Variants in FNDC4 observed in about 807,000 individuals in gnomAD.
FNDC4 encodes the protein fibronectin type III domain containing 4, also known as fibronectin type III domain-containing protein 4.
Under a neutral mutation model 25.1 loss-of-function variants are expected in FNDC4, and 11 were observed. The observed-to-expected ratio is 0.44, with a 90% CI of 0.28 to 0.73. The LOEUF (loss-of-function observed/expected upper bound fraction) is 0.73, where lower values mean the gene tolerates loss of function less well. FNDC4 is among the 30% of genes least tolerant of loss of function. FNDC4 has a pLI of 0.16. For missense variants in FNDC4, 250 were observed against 304.3 expected (o/e 0.82, Z 1.33); for synonymous variants, 136 against 118.8 (o/e 1.14, Z -0.94).
Position 27,494,176 on chromosome 2 carries a change from T to A in FNDC4, c.250-42A>T. ...GGAGAGGAGGACAGCCTCACCCCAG[T>A]GCCAGGCCACAAGGCTCAACCAGAG... On this transcript the variant is annotated intron_variant, in intron 3 of 6. Transcript: ENST00000264703. The surrounding 1 kb of genome is among the most constrained non-coding windows in gnomAD (Gnocchi z 4.6). 1 of 1,580,112 alleles carries A rather than the reference T, an allele frequency of 6.3e-7. No homozygotes were observed. Among genetic ancestry groups the A allele is most frequent in the East Asian group, 2.3e-5 (1 of 44,320 alleles).
chr2:27,492,413 T>C lies in FNDC4; in HGVS notation c.*30A>G. 1 of 1,613,952 alleles carries C rather than the reference T, an allele frequency of 6.2e-7. No homozygotes were observed. The highest frequency in any genetic ancestry group is 8.5e-7 in the Non-Finnish European group (1 of 1,179,838). Reference sequence around the variant, plus strand: ...CCCCATCCCTATCCCCAGTTGTTAGTGCATCTCTCTTCTGGGTGTGTTTCT... The same window carrying C: ...CCCCATCCCTATCCCCAGTTGTTAGCGCATCTCTCTTCTGGGTGTGTTTCT... On this transcript the variant is annotated 3_prime_UTR_variant, in exon 7 of 7. Transcript: ENST00000264703. This position sits in a 1 kb window ranked among gnomAD's most constrained non-coding sequence, Gnocchi z 4.1.
chr2:27,494,277 TC>T lies in FNDC4; in HGVS notation c.249+73del, dbSNP rs977404563. On this transcript the variant is annotated intron_variant, in intron 3 of 6. Transcript: ENST00000264703. This position sits in a 1 kb window ranked among gnomAD's most constrained non-coding sequence, Gnocchi z 4.6. ...GAGCCAGGATACGCCAGCTTCCAGA[TC>T]CCCCCCACTTAAGTGAAGAAATGTG... 3.3e-5 allele frequency: 47 copies of T among 1,432,492 alleles called. No homozygotes were observed. In the African/African-American group the frequency reaches 3.4e-4, roughly 10 times the overall value. The allele number at this position is 1,432,492 out of a possible 1,614,324, so 88.7% of individuals were successfully genotyped here. A position where few individuals can be genotyped will look rare whatever the true frequency, so the allele number is the denominator to read the frequency against.
intron 4 of FNDC4, 94 bp from the exon 5 acceptor site, chr2:27,493,572 A>T: frequency 9.6e-7 from 1 of 1,043,832 alleles, no homozygotes; most frequent in Non-Finnish European, 1.5e-6. Flanking sequence ...GAAAGGGTGG[A>T]CCCATCATAA....
At position 27,494,856 on chromosome 2, in the gene FNDC4, G is replaced by T; in HGVS notation, c.-25+22C>A. 1.8e-6 allele frequency: 1 copy of T among 570,622 alleles called. No individual in the cohort carries two copies. Among genetic ancestry groups the T allele is most frequent in the Non-Finnish European group, 3.1e-6 (1 of 324,362 alleles). 35.3% of individuals were successfully genotyped at this position (570,622 alleles called of 1,614,324 possible). Reference sequence around the variant, plus strand: ...CATTGCCCGGGCGGCCCCAGAGTGCGGTCCGCCCTGCCCACACCCACCTCC... The same window carrying T: ...CATTGCCCGGGCGGCCCCAGAGTGCTGTCCGCCCTGCCCACACCCACCTCC... On this transcript the variant is annotated intron_variant, in intron 1 of 6. Coordinates refer to ENST00000264703, the MANE Select transcript of FNDC4 (RefSeq NM_022823.3). This position sits in a 1 kb window ranked among gnomAD's most constrained non-coding sequence, Gnocchi z 4.6.
intron 5 of FNDC4, 97 bp downstream of exon 5, chr2:27,493,292 G>A (rs373970363): frequency 9.1e-6 from 9 of 992,014 alleles, no homozygotes; most frequent in South Asian, 3.9e-5. Flanking sequence ...GATTACAGGC[G>A]TGAGCCACTG....
Position 27,492,563 on chromosome 2 carries a change from T to C in FNDC4, c.670-85A>G. On this transcript the variant is annotated intron_variant, in intron 6 of 6. Transcript: ENST00000264703. This position sits in a 1 kb window ranked among gnomAD's most constrained non-coding sequence, Gnocchi z 4.1. ...CTCCAGCCTCCCCCATCCCAGATCT[T>C]CCATTCTCCATCTTTTTCTGCCCCT... The C allele has an allele frequency of 6.3e-7, 1 of 1,595,022 alleles. No homozygotes were observed. The highest frequency in any genetic ancestry group is 8.6e-7 in the Non-Finnish European group (1 of 1,162,720).
In FNDC4 at chr2:27,494,101, C is replaced by T. The variant is rs755064284; in HGVS notation, c.283G>A (p.Glu95Lys). ...CAGGCCCGGGTGGTGGTGTTCACCT[C>T]CCGAATCACACGCTGCCCGGGGCCA... is the stretch of plus-strand genomic sequence containing the variant. Reference protein sequence around the residue: ...QNGPGQRVIREVNTTTRACAL... With the variant: ...QNGPGQRVIRKVNTTTRACAL... Residue 95 changes from glutamate to lysine, a missense_variant, in exon 4 of 7, where the codon GAG (glutamate) becomes AAG (lysine). Glu to Lys is a moderately conservative substitution (Grantham distance 56, BLOSUM62 1). Coordinates refer to ENST00000264703, the MANE Select transcript of FNDC4 (RefSeq NM_022823.3). This position sits in a 1 kb window ranked among gnomAD's most constrained non-coding sequence, Gnocchi z 4.6. 4 of 1,614,008 alleles carry T rather than the reference C, an allele frequency of 2.5e-6. No individual in the cohort carries two copies. The highest frequency in any genetic ancestry group is 1.1e-5 in the South Asian group (1 of 91,094).
In FNDC4 at chr2:27,492,470, T is replaced by A; in HGVS notation, c.678A>T (p.Ser226=). 2 of 1,614,096 alleles carry A rather than the reference T, an allele frequency of 1.2e-6. No homozygotes were observed. Among genetic ancestry groups the A allele is most frequent in the Non-Finnish European group, 1.7e-6 (2 of 1,179,970 alleles). Residue 226 remains serine (S), a synonymous_variant, in exon 7 of 7, where the codon TCA becomes TCT. Coordinates refer to ENST00000264703, the MANE Select transcript of FNDC4 (RefSeq NM_022823.3). This position sits in a 1 kb window ranked among gnomAD's most constrained non-coding sequence, Gnocchi z 4.1. ...GRPVGTRQKK[S]PSINTIDV is the part of the protein sequence containing the mutation. ...AAACGTCGATGGTGTTGATAGATGG[T>A]GACTTTTTCTGTGAAAGAAAATGGC...
chr2:27,493,170 ACT>A (rs1382691612), intron 5 of FNDC4, among the ~76,000 whole-genome samples: 6 of 149,132 alleles, frequency 4.0e-5, no homozygotes, highest in Admixed American at 1.3e-4. Flanking sequence ...CCTCCACCAC[ACT>A]CTGCTAATTT....
intron 4 of FNDC4, among the ~76,000 whole-genome samples, 159 bp downstream of exon 4, chr2:27,493,771 C>T (rs1392403586): frequency 6.6e-6 from 1 of 152,216 alleles, no homozygotes; most frequent in East Asian, 1.9e-4. Context: ...CCTGTCTATA[C>T]CCAATCCCCT....
rs141504043 is a variant in FNDC4 at position 27,494,284 on chromosome 2, C to A, written c.249+67G>T. Reference sequence around the variant, plus strand: ...GATACGCCAGCTTCCAGATCCCCCCCACTTAAGTGAAGAAATGTGCCGAAA... The same window carrying A: ...GATACGCCAGCTTCCAGATCCCCCCAACTTAAGTGAAGAAATGTGCCGAAA... On this transcript the variant is annotated intron_variant, in intron 3 of 6. Coordinates refer to ENST00000264703, the MANE Select transcript of FNDC4 (RefSeq NM_022823.3). The surrounding 1 kb of genome is among the most constrained non-coding windows in gnomAD (Gnocchi z 4.6). The A allele has an allele frequency of 2.7e-5, 40 of 1,454,934 alleles. No individual in the cohort carries two copies. The highest frequency in any genetic ancestry group is 6.9e-5 in the East Asian group (3 of 43,384). 90.1% of individuals were successfully genotyped at this position (1,454,934 alleles called of 1,614,324 possible).
Position 27,494,153 on chromosome 2 carries a change from AGAG to A in FNDC4, c.250-22_250-20del, listed in dbSNP as rs1222214198. ...TCTGCCGCTGCAGGGAGATGAGGGG[AGAG>A]GAGGACAGCCTCACCCCAGTGCCAG... On this transcript the variant is annotated intron_variant, in intron 3 of 6. Coordinates refer to ENST00000264703, the MANE Select transcript of FNDC4 (RefSeq NM_022823.3). This position sits in a 1 kb window ranked among gnomAD's most constrained non-coding sequence, Gnocchi z 4.6. 7 of 1,606,500 alleles carry A rather than the reference AGAG, an allele frequency of 4.4e-6. No individual in the cohort carries two copies. The African/African-American group carries it at 6.7e-5, about 15-fold the overall frequency.
intron 4 of FNDC4, 65 bp downstream of exon 4, chr2:27,493,865 G>GGT: frequency 7.0e-7 from 1 of 1,422,068 alleles, no homozygotes; most frequent in Non-Finnish European, 9.9e-7. Flanking sequence ...GCTTGTCTTG[G>GGT]GGAAGTAAGT....
chr2:27,494,278 C>A lies in FNDC4; in HGVS notation c.249+73G>T. The A allele has an allele frequency of 1.4e-6, 2 of 1,420,662 alleles. No homozygotes were observed. The highest frequency in any genetic ancestry group is 9.9e-7 in the Non-Finnish European group (1 of 1,013,674). The allele number at this position is 1,420,662 out of a possible 1,614,324, so 88.0% of individuals were successfully genotyped here. A position where few individuals can be genotyped will look rare whatever the true frequency, so the allele number is the denominator to read the frequency against. On this transcript the variant is annotated intron_variant, in intron 3 of 6. Coordinates refer to ENST00000264703, the MANE Select transcript of FNDC4 (RefSeq NM_022823.3). The surrounding 1 kb of genome is among the most constrained non-coding windows in gnomAD (Gnocchi z 4.6). The stretch of plus-strand genomic sequence containing the variant: ...AGCCAGGATACGCCAGCTTCCAGAT[C>A]CCCCCCACTTAAGTGAAGAAATGTG...
rs1352167283 is a variant in FNDC4 at position 27,494,252 on chromosome 2, G to A, written c.249+99C>T. 2 of 1,397,016 alleles carry A rather than the reference G, an allele frequency of 1.4e-6. No individual in the cohort carries two copies. Among genetic ancestry groups the A allele is most frequent in the Non-Finnish European group, 1.0e-6 (1 of 997,592 alleles). 86.5% of individuals were successfully genotyped at this position (1,397,016 alleles called of 1,614,324 possible). A position where few individuals can be genotyped will look rare whatever the true frequency, so the allele number is the denominator to read the frequency against. Reference sequence around the variant, plus strand: ...GGGAGTAGCGTGAAAAGGGCAGCCTGAGCCAGGATACGCCAGCTTCCAGAT... The same window carrying A: ...GGGAGTAGCGTGAAAAGGGCAGCCTAAGCCAGGATACGCCAGCTTCCAGAT... On this transcript the variant is annotated intron_variant, in intron 3 of 6. Coordinates refer to ENST00000264703, the MANE Select transcript of FNDC4 (RefSeq NM_022823.3). This position sits in a 1 kb window ranked among gnomAD's most constrained non-coding sequence, Gnocchi z 4.6.
Position 27,494,117 on chromosome 2 carries a change from C to T in FNDC4, c.267G>A (p.Gly89=). The change falls in exon 4 of 7, where the codon GGG becomes GGA. Residue 89 remains glycine (G), a synonymous_variant. Transcript: ENST00000264703. The surrounding 1 kb of genome is among the most constrained non-coding windows in gnomAD (Gnocchi z 4.6). ...TGTTCACCTCCCGAATCACACGCTG[C>T]CCGGGGCCATTCTGCCGCTGCAGGG... The part of the protein sequence containing the change: ...SISQQRQNGP[G]QRVIREVNTT... 1 of 1,613,958 alleles carries T rather than the reference C, an allele frequency of 6.2e-7. No individual in the cohort carries two copies. The highest frequency in any genetic ancestry group is 8.5e-7 in the Non-Finnish European group (1 of 1,179,990).
At position 27,493,291 on chromosome 2, in the gene FNDC4, C is replaced by T. The variant is rs966774730; in HGVS notation, c.544+98G>A. On this transcript the variant is annotated intron_variant, in intron 5 of 6. Coordinates refer to ENST00000264703, the MANE Select transcript of FNDC4 (RefSeq NM_022823.3). Reference sequence around the variant, plus strand: ...CCTCCCAAAGTGCTGGGATTACAGGCGTGAGCCACTGTATCTCTCACTTCT... The same window carrying T: ...CCTCCCAAAGTGCTGGGATTACAGGTGTGAGCCACTGTATCTCTCACTTCT... 4.4e-5 allele frequency: 43 copies of T among 969,060 alleles called. No homozygotes were observed. The Admixed American group carries it at 6.3e-4, about 14-fold the overall frequency. 60.0% of individuals were successfully genotyped at this position (969,060 alleles called of 1,614,324 possible).
rs1669324460 is a variant in FNDC4 at position 27,494,160 on chromosome 2, G to C, written c.250-26C>G. On this transcript the variant is annotated intron_variant, in intron 3 of 6. Transcript: ENST00000264703. The surrounding 1 kb of genome is among the most constrained non-coding windows in gnomAD (Gnocchi z 4.6). The stretch of plus-strand genomic sequence containing the variant: ...CTGCAGGGAGATGAGGGGAGAGGAG[G>C]ACAGCCTCACCCCAGTGCCAGGCCA... The C allele has an allele frequency of 2.5e-6, 4 of 1,605,782 alleles. No homozygotes were observed. The Admixed American group carries it at 5.0e-5, about 20-fold the overall frequency.
chr2:27,492,204 CG>C lies in FNDC4; in HGVS notation c.*238del. 1 of 590,754 alleles carries C rather than the reference CG, an allele frequency of 1.7e-6. No homozygotes were observed. The highest frequency in any genetic ancestry group is 3.0e-6 in the Non-Finnish European group (1 of 330,802). The allele number at this position is 590,754 out of a possible 1,614,324, so 36.6% of individuals were successfully genotyped here. A position where few individuals can be genotyped will look rare whatever the true frequency, so the allele number is the denominator to read the frequency against. On this transcript the variant is annotated 3_prime_UTR_variant, in exon 7 of 7. Transcript: ENST00000264703. This position sits in a 1 kb window ranked among gnomAD's most constrained non-coding sequence, Gnocchi z 4.1. The stretch of plus-strand genomic sequence containing the variant: ...TACAACTAGTGACTCTCCCCTGGAC[CG>C]GGGAATGGAAGGAGATATCCCATCT...
Sources: gnomAD v4.1 joint callset for allele counts (sites outside exome capture counted in the v4.1 genomes callset) on GRCh38, gnomAD v4.1.1 for gene constraint, Gnocchi (gnomAD v3.1) non-coding constraint, MANE v1.5 for transcripts, NCBI Gene and HGNC (gene_info 2026-07-23, HGNC 2026-07-21) for gene names.